The following WDR4 variants were observed in gnomAD, a reference collection of about 807,000 sequenced individuals.
The protein encoded by WDR4 is tRNA (guanine-N(7)-)-methyltransferase non-catalytic subunit WDR4.
In WDR4, 47 loss-of-function variants were observed where a neutral mutation model predicts 48.6. The ratio of observed to expected loss-of-function variants is 0.97; its 90% CI spans 0.77 to 1.23. WDR4 has a LOEUF of 1.23. Ranked by LOEUF, WDR4 falls within the 50% of genes most tolerant of loss-of-function variation. WDR4 has a pLI of 0.00. For missense variants in WDR4, 606 were observed against 551.6 expected, an observed-to-expected ratio of 1.10 and a Z score of -0.99; for synonymous variants, 268 against 230.0, an observed-to-expected ratio of 1.17 and a Z score of -1.49.
At chr21:42,883,312 C>A (rs1253382360), upstream of WDR4, among the ~76,000 whole-genome samples, 1 of 123,818 alleles carries the variant, frequency 8.1e-6, no homozygotes, top group Non-Finnish European at 1.6e-5. Context: ...CAAGAAGTTA[C>A]CCTTTTTTTT....
chr21:42,853,511 C>T, intron 9 of WDR4, 58 bp downstream of exon 9: 5 of 1,539,840 alleles, frequency 3.2e-6, no homozygotes, highest in Non-Finnish European at 4.4e-6. Context: ...TGCCGCCCCA[C>T]ACCCCCAGGC....
chr21:42,867,251 C>T (rs917410216), intron 3 of WDR4, among the ~76,000 whole-genome samples: 14 of 152,010 alleles, frequency 9.2e-5, no homozygotes, highest in Admixed American at 8.5e-4. Flanking sequence ...ATTAGTCAGG[C>T]GTGGTGGCTC....
chr21:42,868,986 C>A (rs2058310313), intron 3 of WDR4, among the ~76,000 whole-genome samples: 1 of 152,226 alleles, frequency 6.6e-6, no homozygotes, highest in Admixed American at 6.5e-5. Flanking sequence ...GGGAATGACA[C>A]AGTGTTGTCA....
chr21:42,845,526 G>A (rs2057703489), downstream of WDR4, among the ~76,000 whole-genome samples: 1 of 152,180 alleles, frequency 6.6e-6, no homozygotes, highest in Non-Finnish European at 1.5e-5. Context: ...CAGGGTAAGT[G>A]ATCTAAGACG....
At chr21:42,874,326 G>A (rs918367606) in intron 2 of WDR4, among the ~76,000 whole-genome samples, 6 of 152,080 alleles carry the variant, frequency 3.9e-5, no homozygotes, top group East Asian at 1.9e-4. Flanking sequence ...CCTGTCAGCC[G>A]AGGAGGATGT....
upstream of WDR4, among the ~76,000 whole-genome samples, chr21:42,882,588 G>T (rs1347048768): frequency 1.3e-5 from 2 of 151,934 alleles, no homozygotes; most frequent in Admixed American, 6.6e-5. Flanking sequence ...AAAACTTATG[G>T]ATTGTTGTGT....
intron 1 of WDR4, among the ~76,000 whole-genome samples, chr21:42,878,101 GA>G (rs1483802030): frequency 2.6e-5 from 4 of 151,920 alleles, no homozygotes; most frequent in Admixed American, 2.6e-4. Context: ...CGTTCAGTGG[GA>G]TTCTGTATAC....
chr21:42,859,760 C>G, intron 5 of WDR4, 38 bp from the exon 6 acceptor site: 1 of 1,551,164 alleles, frequency 6.4e-7, no homozygotes, highest in Non-Finnish European at 8.7e-7. Flanking sequence ...TCAGCGAGCC[C>G]AGCGCCCGCA....
chr21:42,879,177 C>T, intron 1 of WDR4: 4 of 1,333,456 alleles, frequency 3.0e-6, no homozygotes, highest in South Asian at 3.9e-5. Flanking sequence ...GTGCAAGGAG[C>T]GCGCCGGAGC....
upstream of WDR4, among the ~76,000 whole-genome samples, chr21:42,883,094 G>GAT (rs2058618771): frequency 1.2e-5 from 1 of 82,738 alleles, no homozygotes; most frequent in Non-Finnish European, 2.1e-5. Context: ...GCAAGACTCC[G>GAT]TCTCAAAAAA....
chr21:42,879,123 C>T, intron 1 of WDR4: 2 of 1,218,364 alleles, frequency 1.6e-6, no homozygotes, highest in Non-Finnish European at 2.0e-6. Flanking sequence ...CGGAAGCGAC[C>T]CGGCGGCGCT....
chr21:42,863,363 A>C, intron 4 of WDR4, 77 bp downstream of exon 4: 1 of 1,521,528 alleles, frequency 6.6e-7, no homozygotes, highest in Non-Finnish European at 8.9e-7. Context: ...GACTCAGCGT[A>C]TGCCCCACGT....
At chr21:42,884,510 G>T (rs1181447410), upstream of WDR4, among the ~76,000 whole-genome samples, 3 of 151,996 alleles carry the variant, frequency 2.0e-5, no homozygotes, top group Non-Finnish European at 4.4e-5. Context: ...AGCTGGTCGT[G>T]GTGTTGCGTA....
chr21:42,859,598 CCCA>C, intron 6 of WDR4, 61 bp downstream of exon 6: 1 of 305,686 alleles, frequency 3.3e-6, no homozygotes, highest in Non-Finnish European at 6.6e-6. Context: ...CCAGGAGGCG[CCCA>C]CCCCACCCTC....
At chr21:42,872,402 G>C (rs1263852696) in intron 3 of WDR4, among the ~76,000 whole-genome samples, 2 of 151,998 alleles carry the variant, frequency 1.3e-5, no homozygotes, top group African/African-American at 4.8e-5. Context: ...CTGAGATCAG[G>C]AGTTGGAGAC....
chr21:42,866,391 G>C (rs185429502), intron 3 of WDR4, among the ~76,000 whole-genome samples: 1 of 152,330 alleles, frequency 6.6e-6, no homozygotes, highest in East Asian at 1.9e-4. Context: ...CTAGGGTCTC[G>C]CCCAGCTCAG....
rs1030720819 is a variant in WDR4 at position 42,853,589 on chromosome 21, G to T, written c.955C>A (p.Pro319Thr). The T allele has an allele frequency of 1.2e-6, 2 of 1,610,822 alleles. No individual in the cohort carries two copies. Among genetic ancestry groups the T allele is most frequent in the African/African-American group, 2.7e-5 (2 of 74,912 alleles). The change falls in exon 9 of 11, where the codon CCT becomes ACT. Residue 319 changes from proline (P) to threonine (T), a missense_variant. Pro to Thr is a conservative substitution (Grantham distance 38). Transcript: ENST00000398208. ...CQEAPLVLYR[P>T]VGDQWQSVPE... ...CTCACCTGCCACTGGTCGCCCACAG[G>T]CCTGTAGAGCACCAGGGGGGCTTCC...
At chr21:42,879,633 C>G (rs1285122794), upstream of WDR4, 2 of 1,087,664 alleles carry the variant, frequency 1.8e-6, no homozygotes, top group African/African-American at 1.6e-5. Flanking sequence ...ACGAGCCTGC[C>G]TTGAGCATGC....
upstream of WDR4, among the ~76,000 whole-genome samples, chr21:42,880,823 A>G (rs1028960210): frequency 2.0e-5 from 3 of 152,044 alleles, no homozygotes; most frequent in African/African-American, 7.2e-5. Flanking sequence ...TTCTGTCCAC[A>G]TTTTGGCAGC....
Sources: allele counts gnomAD v4.1 joint callset (sites outside exome capture counted in the v4.1 genomes callset), GRCh38; gene constraint gnomAD v4.1.1; transcripts MANE v1.5; gene names NCBI Gene and HGNC (gene_info 2026-07-23, HGNC 2026-07-21).